SKAP2: variants seen among roughly 807,000 people sequenced by gnomAD.
SKAP2 encodes the protein src kinase associated phosphoprotein 2.
SKAP2 carries 28 observed loss-of-function variants against 54.9 expected under a neutral mutation model. The observed-to-expected ratio is 0.51, with a 90% CI of 0.38 to 0.70. SKAP2 has a LOEUF of 0.70. Among genes scored for constraint, SKAP2 ranks in the 30% least tolerant of loss-of-function variants. The probability of loss-of-function intolerance (pLI) is 0.00; values close to 1 mark genes in which losing one functional copy is unlikely to be tolerated. For synonymous variants in SKAP2, 137 were observed against 134.3 expected (o/e 1.02, Z -0.14); for missense variants, 356 against 424.1 (o/e 0.84, Z 1.41).
intron 4 of SKAP2, among the ~76,000 whole-genome samples, chr7:26,802,725 AC>A (rs1256839985): frequency 6.6e-6 from 1 of 152,058 alleles, no homozygotes; most frequent in East Asian, 2.0e-4. Context: ...TACTAAAAAT[AC>A]AAAAATTAGC....
At chr7:26,673,229 G>T (rs1449641211) in intron 11 of SKAP2, among the ~76,000 whole-genome samples, 2 of 152,018 alleles carry the variant, frequency 1.3e-5, no homozygotes, top group Admixed American at 1.3e-4. Flanking sequence ...GTACAAGGAG[G>T]TCTGCCATCT....
At chr7:26,750,109 G>A (rs1397839974) in intron 4 of SKAP2, among the ~76,000 whole-genome samples, 1 of 151,948 alleles carries the variant, frequency 6.6e-6, no homozygotes, top group Non-Finnish European at 1.5e-5. Flanking sequence ...CCCATTTTCT[G>A]AAATGCTATG....
intron 4 of SKAP2, among the ~76,000 whole-genome samples, chr7:26,786,132 T>C (rs761573257): frequency 2.0e-5 from 3 of 152,196 alleles, no homozygotes; most frequent in Admixed American, 6.5e-5. Context: ...CTAAGGGCTG[T>C]ACCGGCAATT....
chr7:26,692,172 G>T (rs951038151), intron 9 of SKAP2, among the ~76,000 whole-genome samples: 1 of 148,762 alleles, frequency 6.7e-6, no homozygotes, highest in Non-Finnish European at 1.5e-5. Context: ...GATAAGCTTT[G>T]TGCCTGAATG....
chr7:26,724,550 C>T (rs1174223634), intron 9 of SKAP2, among the ~76,000 whole-genome samples: 2 of 152,074 alleles, frequency 1.3e-5, no homozygotes, highest in African/African-American at 4.8e-5. Context: ...AAAGGTTTAA[C>T]ATTACATCAT....
intron 7 of SKAP2, among the ~76,000 whole-genome samples, chr7:26,726,400 A>G (rs1035513190): frequency 5.3e-5 from 8 of 152,182 alleles, no homozygotes; most frequent in African/African-American, 1.9e-4. Context: ...AATCTCAGAT[A>G]TTTAAAACTT....
chr7:26,828,644 T>A (rs926488801), intron 4 of SKAP2, among the ~76,000 whole-genome samples: 6 of 147,632 alleles, frequency 4.1e-5, no homozygotes, highest in African/African-American at 1.5e-4. Flanking sequence ...GCCACTGCAC[T>A]CTAGCCTGGG....
intron 4 of SKAP2, among the ~76,000 whole-genome samples, chr7:26,816,927 T>A (rs950162917): frequency 1.3e-5 from 2 of 152,128 alleles, no homozygotes; most frequent in African/African-American, 4.8e-5. Context: ...GTTTGCTCAG[T>A]GCACTATCTG....
chr7:26,848,180 C>G (rs1341848683), intron 3 of SKAP2: 1 of 152,148 alleles, frequency 6.6e-6, no homozygotes, highest in Non-Finnish European at 1.5e-5. Flanking sequence ...AGATGTAGCC[C>G]AACAACAACT....
chr7:26,825,521 C>T (rs1192633246), intron 4 of SKAP2, among the ~76,000 whole-genome samples: 2 of 148,868 alleles, frequency 1.3e-5, no homozygotes, highest in Admixed American at 1.3e-4. Context: ...TCTAGTTAAT[C>T]CTCTCTTCTC....
At chr7:26,745,799 G>T (rs762226139) in intron 4 of SKAP2, among the ~76,000 whole-genome samples, 1 of 152,066 alleles carries the variant, frequency 6.6e-6, no homozygotes, top group South Asian at 2.1e-4. Flanking sequence ...ATAGGCATGA[G>T]CCACCATGCC....
intron 4 of SKAP2, among the ~76,000 whole-genome samples, chr7:26,840,018 T>A (rs975862087): frequency 6.6e-6 from 1 of 152,190 alleles, no homozygotes; most frequent in Non-Finnish European, 1.5e-5. Flanking sequence ...TAAATTATGA[T>A]AATAGTTCAG....
At chr7:26,850,321 T>A (rs1785012936) in intron 3 of SKAP2, among the ~76,000 whole-genome samples, 1 of 152,022 alleles carries the variant, frequency 6.6e-6, no homozygotes. Context: ...GACTCATGCC[T>A]GTAAGTCCCA....
At chr7:26,712,827 C>T (rs552611673) in intron 9 of SKAP2, among the ~76,000 whole-genome samples, 1 of 152,266 alleles carries the variant, frequency 6.6e-6, no homozygotes, top group South Asian at 2.1e-4. Context: ...CCATATGCAC[C>T]TCTGTGTAGT....
chr7:26,657,032 A>C, the SKAP2 span, among the ~76,000 whole-genome samples: 3 of 152,194 alleles, frequency 2.0e-5, no homozygotes, highest in South Asian at 6.2e-4. Flanking sequence ...AAAAACAAGA[A>C]TAGCTACAGG....
intron 4 of SKAP2, among the ~76,000 whole-genome samples, chr7:26,767,323 A>G (rs1313762346): frequency 1.3e-5 from 2 of 152,130 alleles, no homozygotes; most frequent in East Asian, 1.9e-4. Flanking sequence ...TCGCCCCATT[A>G]TCATTTTTTA....
chr7:26,657,871 A>G, the SKAP2 span, among the ~76,000 whole-genome samples: 1 of 151,884 alleles, frequency 6.6e-6, no homozygotes, highest in African/African-American at 2.4e-5. Flanking sequence ...TGCCTTTGTC[A>G]TGATTTGGTG....
At chr7:26,825,562 G>A (rs1217634062) in intron 4 of SKAP2, among the ~76,000 whole-genome samples, 2 of 124,014 alleles carry the variant, frequency 1.6e-5, no homozygotes, top group African/African-American at 6.2e-5. Flanking sequence ...AGAATATAAT[G>A]GCCAAACAGC....
At chr7:26,720,822 A>G (rs1787562621) in intron 9 of SKAP2, among the ~76,000 whole-genome samples, 1 of 152,154 alleles carries the variant, frequency 6.6e-6, no homozygotes. Flanking sequence ...CACTGCCCCC[A>G]TCATTCAATT....
Sources: allele counts gnomAD v4.1 joint callset (sites outside exome capture counted in the v4.1 genomes callset), GRCh38; gene constraint gnomAD v4.1.1; transcripts MANE v1.5; gene names NCBI Gene and HGNC (gene_info 2026-07-23, HGNC 2026-07-21).